The following FOXP4 variants were observed in gnomAD, a reference collection of about 807,000 sequenced individuals.
FOXP4 encodes forkhead box protein P4.
A neutral mutation model predicts 82.6 loss-of-function variants in FOXP4; 25 were observed. The observed-to-expected ratio is 0.30, with a 90% CI of 0.22 to 0.42. The LOEUF (loss-of-function observed/expected upper bound fraction) is 0.42. FOXP4 is among the 10% of genes least tolerant of loss of function. The probability of loss-of-function intolerance (pLI) is 1.00; values close to 1 mark genes in which losing one functional copy is unlikely to be tolerated. For synonymous variants in FOXP4, 415 were observed against 388.2 expected, an observed-to-expected ratio of 1.07 and a Z score of -0.81; for missense variants, 785 against 900.9, an observed-to-expected ratio of 0.87 and a Z score of 1.65.
At chr6:41,563,004 G>A (rs1419694640) in intron 1 of FOXP4, among the ~76,000 whole-genome samples, 6 of 152,222 alleles carry the variant, frequency 3.9e-5, no homozygotes, top group African/African-American at 1.4e-4. Flanking sequence ...CTGAGACCGA[G>A]TGCTCAATCT....
chr6:41,585,750 G>A (rs1438991551), intron 5 of FOXP4, among the ~76,000 whole-genome samples: 1 of 152,026 alleles, frequency 6.6e-6, no homozygotes, highest in Non-Finnish European at 1.5e-5. Context: ...TTGTCTCTGT[G>A]CACATGGGTG....
At chr6:41,569,865 G>A (rs1765089272) in intron 2 of FOXP4, among the ~76,000 whole-genome samples, 1 of 152,040 alleles carries the variant, frequency 6.6e-6, no homozygotes, top group South Asian at 2.1e-4. Context: ...CAAAAGGGTT[G>A]GGGGGCTTTG....
At chr6:41,559,765 G>A (rs1032087766) in intron 1 of FOXP4, among the ~76,000 whole-genome samples, 1 of 152,300 alleles carries the variant, frequency 6.6e-6, no homozygotes, top group African/African-American at 2.4e-5. Context: ...ACTAAAGTTA[G>A]TGTTCATCAT....
At chr6:41,595,077 CAT>C in intron 14 of FOXP4, 86 bp downstream of exon 14, 2 of 1,571,746 alleles carry the variant, frequency 1.3e-6, no homozygotes. Flanking sequence ...CCAGGGTACA[CAT>C]GTGCACCAGA....
intron 14 of FOXP4, among the ~76,000 whole-genome samples, chr6:41,595,815 G>A (rs1766800016): frequency 6.6e-6 from 1 of 152,104 alleles, no homozygotes; most frequent in African/African-American, 2.4e-5. Flanking sequence ...CGTTGGTCAG[G>A]CTGGTCTCGA....
intron 1 of FOXP4, among the ~76,000 whole-genome samples, chr6:41,553,962 G>A (rs1318063502): frequency 6.6e-6 from 1 of 152,164 alleles, no homozygotes; most frequent in Non-Finnish European, 1.5e-5. Flanking sequence ...ATGGAAGATG[G>A]GGGAAGGAAG....
rs1009743114 is a variant in FOXP4, at chr6:41,565,778, C to T, written c.18C>T (p.Ala6=). ...AGAGCGACATGATGGTGGAATCTGC[C>T]TCGGAGACAATCAGGTCGGCTCCAT... MMVES[A]SETIRSAPSG... is the part of the protein sequence containing the mutation. The change falls in exon 2 of 17, where the codon GCC becomes GCT. Residue 6 remains alanine, a synonymous_variant. Transcript: ENST00000307972. The T allele has an allele frequency of 1.9e-6, 3 of 1,606,666 alleles. No homozygotes were observed. Among genetic ancestry groups the T allele is most frequent in the Non-Finnish European group, 2.6e-6 (3 of 1,174,636 alleles).
chr6:41,556,957 C>G (rs1444961444), intron 1 of FOXP4, among the ~76,000 whole-genome samples: 2 of 152,186 alleles, frequency 1.3e-5, no homozygotes, highest in Non-Finnish European at 2.9e-5. Flanking sequence ...TTAAAGCTCC[C>G]CAGATGATTC....
At chr6:41,576,478 G>A (rs1019516749) in intron 2 of FOXP4, among the ~76,000 whole-genome samples, 2 of 152,158 alleles carry the variant, frequency 1.3e-5, no homozygotes, top group African/African-American at 4.8e-5. Context: ...CCTTGAAGGT[G>A]CTTGTGGTGG....
chr6:41,599,348 G>C lies in FOXP4; in HGVS notation c.*412G>C, dbSNP rs555960378. 1 of 164,726 alleles carries C rather than the reference G, an allele frequency of 6.1e-6. No individual in the cohort carries two copies. The highest frequency in any genetic ancestry group is 1.3e-5 in the Non-Finnish European group (1 of 75,100). 10.2% of individuals were successfully genotyped at this position (164,726 alleles called of 1,614,324 possible). ...GGCCCCCTGGCACCTGGCTCTGGCC[G>C]TGTTTTCTGGCCAGAGGCCCCCACT... On this transcript the variant is annotated 3_prime_UTR_variant, in exon 17 of 17. Coordinates refer to ENST00000307972, the MANE Select transcript of FOXP4 (RefSeq NM_001012426.2).
Position 41,594,912 on chromosome 6 carries a change from C to T in FOXP4, c.1579C>T (p.Arg527Cys), listed in dbSNP as rs1365508198. The change falls in exon 14 of 17, where the codon CGC (arginine) becomes TGC (cysteine). Residue 527 changes from arginine (R) to cysteine (C), a missense_variant. Arg to Cys is a radical substitution (Grantham distance 180, BLOSUM62 -3). Transcript: ENST00000307972. ...CCTCAGCCTGCACAAGTGCTTCGTC[C>T]GCGTGGAGAACGTCAAGGGTGCCGT... ...HNLSLHKCFV[R>C]VENVKGAVWT... 2 of 1,614,066 alleles carry T rather than the reference C, an allele frequency of 1.2e-6. No individual in the cohort carries two copies. The highest frequency in any genetic ancestry group is 1.7e-6 in the Non-Finnish European group (2 of 1,180,042).
At chr6:41,556,540 G>A (rs552332078) in intron 1 of FOXP4, among the ~76,000 whole-genome samples, 2 of 152,238 alleles carry the variant, frequency 1.3e-5, no homozygotes, top group South Asian at 2.1e-4. Flanking sequence ...TAGCCAGGAT[G>A]GTCTCGATCT....
intron 2 of FOXP4, among the ~76,000 whole-genome samples, chr6:41,574,249 C>T (rs1393621336): frequency 1.3e-5 from 2 of 152,172 alleles, no homozygotes; most frequent in East Asian, 1.9e-4. Context: ...TTGAAGGCCT[C>T]GCTGGACTGT....
intron 1 of FOXP4, among the ~76,000 whole-genome samples, chr6:41,563,121 TACAG>T (rs1764680811): frequency 6.6e-6 from 1 of 152,066 alleles, no homozygotes; most frequent in Non-Finnish European, 1.5e-5. Flanking sequence ...CTTGGGAACA[TACAG>T]AGAAATTCAC....
In FOXP4 at chr6:41,558,651, T is replaced by C. The variant is rs1050819308; in HGVS notation, c.-16-7094T>C. On this transcript the variant is annotated intron_variant, in intron 1 of 16. Coordinates refer to ENST00000307972, the MANE Select transcript of FOXP4 (RefSeq NM_001012426.2). The surrounding 1 kb of genome is among the most constrained non-coding windows in gnomAD (Gnocchi z 4.0). ...TTCATCTGGCAAATGAGTGGCTGGCTAAGTAAGCCAGAGGCCCAAAGTGGC... is the reference window on the plus strand; with the variant it reads ...TTCATCTGGCAAATGAGTGGCTGGCCAAGTAAGCCAGAGGCCCAAAGTGGC... Among the ~76,000 whole-genome samples, 2 of 152,330 alleles carry C rather than the reference T, an allele frequency of 1.3e-5. No individual in the cohort carries two copies. Among genetic ancestry groups the C allele is most frequent in the African/African-American group, 2.4e-5 (1 of 41,578 alleles).
At chr6:41,596,560 T>C (rs1408733036) in intron 14 of FOXP4, among the ~76,000 whole-genome samples, 2 of 151,922 alleles carry the variant, frequency 1.3e-5, no homozygotes, top group Non-Finnish European at 2.9e-5. Flanking sequence ...TTGGTGACCT[T>C]TGGCTGTTTC....
chr6:41,571,579 G>A (rs369078686), intron 2 of FOXP4, among the ~76,000 whole-genome samples: 23 of 152,194 alleles, frequency 1.5e-4, no homozygotes, highest in African/African-American at 4.3e-4. Flanking sequence ...GTGTCTGTGC[G>A]TTGCTGGTTT....
At chr6:41,574,760 G>A (rs1309813841) in intron 2 of FOXP4, among the ~76,000 whole-genome samples, 1 of 152,186 alleles carries the variant, frequency 6.6e-6, no homozygotes, top group African/African-American at 2.4e-5. Context: ...GAACACATCT[G>A]GTGCAGCAGC....
intron 8 of FOXP4, 88 bp from the exon 9 acceptor site, chr6:41,588,556 C>A: frequency 7.7e-7 from 1 of 1,293,838 alleles, no homozygotes; most frequent in Non-Finnish European, 1.1e-6. Context: ...CTTTTCAGGC[C>A]ATGGGTGGGA....
Sources: allele counts gnomAD v4.1 joint callset (sites outside exome capture counted in the v4.1 genomes callset), GRCh38; gene constraint gnomAD v4.1.1; non-coding constraint Gnocchi (gnomAD v3.1); transcripts MANE v1.5; gene names NCBI Gene and HGNC (gene_info 2026-07-23, HGNC 2026-07-21).